PEX3: variants seen among roughly 807,000 people sequenced by gnomAD.
PEX3 encodes peroxisomal biogenesis factor 3.
Under a neutral mutation model 55.8 loss-of-function variants are expected in PEX3, and 30 were observed. That is an observed-to-expected ratio of 0.54 (90% CI 0.40 to 0.73). The LOEUF (loss-of-function observed/expected upper bound fraction) is 0.73. Among genes scored for constraint, PEX3 ranks in the 30% least tolerant of loss-of-function variants. The pLI is 0.00. For missense variants in PEX3, 351 were observed against 432.8 expected, an observed-to-expected ratio of 0.81 and a Z score of 1.68; for synonymous variants, 135 against 148.4, an observed-to-expected ratio of 0.91 and a Z score of 0.66.
In PEX3 at chr6:143,462,399, C is replaced by G. The variant is rs1446878135; in HGVS notation, c.206-517C>G. 6.6e-6 allele frequency among the ~76,000 whole-genome samples: 1 copy of G among 151,970 alleles called. No individual in the cohort carries two copies. The highest frequency in any genetic ancestry group is 2.4e-5 in the African/African-American group (1 of 41,352). ...AACTAAAACTCAGCAACTCTTAGTT[C>G]CTAACCCAGTGCACTTTTGTCTAGG... On this transcript the variant is annotated intron_variant, in intron 2 of 11. Transcript: ENST00000367591. This position sits in a 1 kb window ranked among gnomAD's most constrained non-coding sequence, Gnocchi z 4.1.
chr6:143,459,031 C>A lies in PEX3; in HGVS notation c.74-54C>A. ...AATTGCATAAAGTAGGTTAAAAATACTGTGTAGAATTTTTGGTACTCTAAT... is the reference window on the plus strand; with the variant it reads ...AATTGCATAAAGTAGGTTAAAAATAATGTGTAGAATTTTTGGTACTCTAAT... On this transcript the variant is annotated intron_variant, in intron 1 of 11. Transcript: ENST00000367591. This position sits in a 1 kb window ranked among gnomAD's most constrained non-coding sequence, Gnocchi z 4.2. The A allele has an allele frequency of 8.3e-7, 1 of 1,205,366 alleles. No individual in the cohort carries two copies. The highest frequency in any genetic ancestry group is 1.2e-6 in the Non-Finnish European group (1 of 815,138). The allele number at this position is 1,205,366 out of a possible 1,614,324, so 74.7% of individuals were successfully genotyped here.
Position 143,454,093 on chromosome 6 carries a change from CA to C in PEX3, c.73+2984del, listed in dbSNP as rs1234064579. On this transcript the variant is annotated intron_variant, in intron 1 of 11. Coordinates refer to ENST00000367591, the MANE Select transcript of PEX3 (RefSeq NM_003630.3). The surrounding 1 kb of genome is among the most constrained non-coding windows in gnomAD (Gnocchi z 4.3). The stretch of plus-strand genomic sequence containing the variant: ...TACATATTAACATACATAACATTTT[CA>C]AAAAATTAATGAGTGTCATTGTTTT... Among the ~76,000 whole-genome samples the C allele has an allele frequency of 1.3e-5, 2 of 151,906 alleles. No individual in the cohort carries two copies. Among genetic ancestry groups the C allele is most frequent in the African/African-American group, 4.8e-5 (2 of 41,356 alleles).
Position 143,486,891 on chromosome 6 carries a change from G to A in PEX3, c.1038+1643G>A, listed in dbSNP as rs990111764. Among the ~76,000 whole-genome samples the A allele has an allele frequency of 4.6e-5, 7 of 152,148 alleles. No homozygotes were observed. The highest frequency in any genetic ancestry group is 1.0e-4 in the Non-Finnish European group (7 of 68,006). On this transcript the variant is annotated intron_variant, in intron 11 of 11. Coordinates refer to ENST00000367591, the MANE Select transcript of PEX3 (RefSeq NM_003630.3). The surrounding 1 kb of genome is among the most constrained non-coding windows in gnomAD (Gnocchi z 5.0). ...ACAGAAACTATTCAACTCTGCTCTG[G>A]CAGTGTGAAAGCAGTCAGAAACGTA...
chr6:143,466,298 C>T lies in PEX3; in HGVS notation c.288-1824C>T, dbSNP rs1779990918. Among the ~76,000 whole-genome samples, 1 of 152,044 alleles carries T rather than the reference C, an allele frequency of 6.6e-6. No homozygotes were observed. Among genetic ancestry groups the T allele is most frequent in the African/African-American group, 2.4e-5 (1 of 41,442 alleles). On this transcript the variant is annotated intron_variant, in intron 3 of 11. Coordinates refer to ENST00000367591, the MANE Select transcript of PEX3 (RefSeq NM_003630.3). The surrounding 1 kb of genome is among the most constrained non-coding windows in gnomAD (Gnocchi z 5.4). ...TTCAGTTGTGTGCCATTGTGAATAA[C>T]ATGAAGAAATCTCCCTTTGTCCAGC...
intron 1 of PEX3, among the ~76,000 whole-genome samples, chr6:143,455,338 G>GC (rs1779830615): frequency 6.9e-6 from 1 of 144,898 alleles, no homozygotes; most frequent in Non-Finnish European, 1.5e-5. Context: ...GACTGCAGGC[G>GC]CCCGCCACCA....
chr6:143,474,519 C>A (rs1780124531), intron 8 of PEX3, among the ~76,000 whole-genome samples: 1 of 151,386 alleles, frequency 6.6e-6, no homozygotes, highest in Non-Finnish European at 1.5e-5. Context: ...CTTTGTCTGA[C>A]TATACTAGAA....
In PEX3 at chr6:143,465,867, A is replaced by G. The variant is rs369828093; in HGVS notation, c.288-2255A>G. Among the ~76,000 whole-genome samples the G allele has an allele frequency of 6.6e-6, 1 of 152,096 alleles. No individual in the cohort carries two copies. The highest frequency in any genetic ancestry group is 2.4e-5 in the African/African-American group (1 of 41,452). On this transcript the variant is annotated intron_variant, in intron 3 of 11. Transcript: ENST00000367591. This position sits in a 1 kb window ranked among gnomAD's most constrained non-coding sequence, Gnocchi z 4.7. ...AAGCTAGTAGTATCTTTAAAATTGT[A>G]ATAGTAACTCAATTTCTTGTTGGAA... is the stretch of plus-strand genomic sequence containing the variant.
chr6:143,457,025 G>A (rs1281726565), intron 1 of PEX3, among the ~76,000 whole-genome samples: 1 of 152,082 alleles, frequency 6.6e-6, no homozygotes, highest in Non-Finnish European at 1.5e-5. Flanking sequence ...TTAAAGCAGT[G>A]GACCTTCTCC....
rs150735618 is a variant in PEX3 at position 143,487,993 on chromosome 6, A to C, written c.1039-1150A>C. Among the ~76,000 whole-genome samples, 182 of 152,272 alleles carry C rather than the reference A, an allele frequency of 1.2e-3. No homozygotes were observed. The highest frequency in any genetic ancestry group is 4.2e-3 in the African/African-American group (174 of 41,566). On this transcript the variant is annotated intron_variant, in intron 11 of 11. Transcript: ENST00000367591. This position sits in a 1 kb window ranked among gnomAD's most constrained non-coding sequence, Gnocchi z 5.3. Reference sequence around the variant, plus strand: ...TTTACATTTTCATAGAAATCAAAACACAAAATTTCCCCTCAAATTCTTGGG... The same window carrying C: ...TTTACATTTTCATAGAAATCAAAACCCAAAATTTCCCCTCAAATTCTTGGG...
intron 3 of PEX3, among the ~76,000 whole-genome samples, chr6:143,467,464 C>T (rs1328547420): frequency 1.3e-5 from 2 of 151,988 alleles, no homozygotes; most frequent in Non-Finnish European, 1.5e-5. Flanking sequence ...CATTCTGCAT[C>T]GAAGGTTTTG....
intron 9 of PEX3, 76 bp from the exon 10 acceptor site, chr6:143,479,000 A>T: frequency 1.2e-6 from 1 of 864,342 alleles, no homozygotes; most frequent in East Asian, 2.5e-5. Flanking sequence ...TTTCAAAGGT[A>T]ACCACGTTAT....
rs1332027788 is a variant in PEX3 at position 143,470,955 on chromosome 6, G to A, written c.332-6G>A. 1.2e-6 allele frequency: 2 copies of A among 1,611,666 alleles called. No individual in the cohort carries two copies. The highest frequency in any genetic ancestry group is 1.7e-6 in the Non-Finnish European group (2 of 1,178,388). Reference sequence around the variant, plus strand: ...AGTACCAAATGCTTTTCTTTTCTCTGTGAAGGTTTCACAAGAAGTACTGTG... The same window carrying A: ...AGTACCAAATGCTTTTCTTTTCTCTATGAAGGTTTCACAAGAAGTACTGTG... On this transcript the variant is annotated splice_region_variant and splice_polypyrimidine_tract_variant and intron_variant, in intron 4 of 11. Coordinates refer to ENST00000367591, the MANE Select transcript of PEX3 (RefSeq NM_003630.3).
chr6:143,471,534 T>G lies in PEX3; in HGVS notation c.524-23T>G. 6.3e-7 allele frequency: 1 copy of G among 1,599,530 alleles called. No individual in the cohort carries two copies. On this transcript the variant is annotated intron_variant, in intron 6 of 11. Transcript: ENST00000367591. The surrounding 1 kb of genome is among the most constrained non-coding windows in gnomAD (Gnocchi z 5.4). The stretch of plus-strand genomic sequence containing the variant: ...GAATTTTTAAACTAAGCAAGGCTTT[T>G]AGGTTTGTTTTTTCTTTAATAGGCC...
At position 143,459,756 on chromosome 6, in the gene PEX3, TG is replaced by T. The variant is rs1355020579; in HGVS notation, c.205+541del. ...GCTAGAGCAGAATGAACAATGGCAG[TG>T]ATAGGAAACAAGGCTGCAGAAGTAG... On this transcript the variant is annotated intron_variant, in intron 2 of 11. Transcript: ENST00000367591. This position sits in a 1 kb window ranked among gnomAD's most constrained non-coding sequence, Gnocchi z 4.2. Among the ~76,000 whole-genome samples the T allele has an allele frequency of 6.6e-6, 1 of 152,166 alleles. No individual in the cohort carries two copies. Among genetic ancestry groups the T allele is most frequent in the Non-Finnish European group, 1.5e-5 (1 of 68,030 alleles).
chr6:143,453,937 T>C lies in PEX3; in HGVS notation c.73+2822T>C, dbSNP rs980226624. ...GACTCCCAAACTTTTTGATCTAAGG[T>C]CTCCTTTACACTCTGAAAAATTAAG... On this transcript the variant is annotated intron_variant, in intron 1 of 11. Transcript: ENST00000367591. The surrounding 1 kb of genome is among the most constrained non-coding windows in gnomAD (Gnocchi z 4.6). 2.0e-5 allele frequency among the ~76,000 whole-genome samples: 3 copies of C among 152,108 alleles called. No individual in the cohort carries two copies. The highest frequency in any genetic ancestry group is 7.2e-5 in the African/African-American group (3 of 41,414).
chr6:143,469,624 G>T (rs1277645436), intron 4 of PEX3, among the ~76,000 whole-genome samples: 1 of 152,146 alleles, frequency 6.6e-6, no homozygotes. Flanking sequence ...CATTCTGTAG[G>T]TTGCCTGTTC....
In PEX3 at chr6:143,471,004, G is replaced by T; in HGVS notation, c.375G>T (p.Leu125=). 1 of 1,612,984 alleles carries T rather than the reference G, an allele frequency of 6.2e-7. No individual in the cohort carries two copies. The highest frequency in any genetic ancestry group is 8.5e-7 in the Non-Finnish European group (1 of 1,179,130). Residue 125 remains leucine, a synonymous_variant, in exon 5 of 12, where the codon CTG becomes CTT. Transcript: ENST00000367591. This position sits in a 1 kb window ranked among gnomAD's most constrained non-coding sequence, Gnocchi z 5.4. ...TGGCTGTATACAGTACCTGTATGCT[G>T]GTTGTTCTTTTGCGGGTCCAGTTAA... ...STVAVYSTCM[L]VVLLRVQLNI...
At position 143,464,205 on chromosome 6, in the gene PEX3, A is replaced by G. The variant is rs1562652661; in HGVS notation, c.287+1208A>G. On this transcript the variant is annotated intron_variant, in intron 3 of 11. Transcript: ENST00000367591. The surrounding 1 kb of genome is among the most constrained non-coding windows in gnomAD (Gnocchi z 5.8). Reference sequence around the variant, plus strand: ...AGGAATTGAAAAGAAGTAGATTTTAATTTCCTTTTTGTCATGATGAGAAGG... The same window carrying G: ...AGGAATTGAAAAGAAGTAGATTTTAGTTTCCTTTTTGTCATGATGAGAAGG... Among the ~76,000 whole-genome samples the G allele has an allele frequency of 1.3e-5, 2 of 152,104 alleles. No individual in the cohort carries two copies. Among genetic ancestry groups the G allele is most frequent in the African/African-American group, 2.4e-5 (1 of 41,452 alleles).
chr6:143,452,745 C>T (rs554244431), intron 1 of PEX3, among the ~76,000 whole-genome samples: 90 of 152,244 alleles, frequency 5.9e-4, no homozygotes, highest in South Asian at 5.0e-3. Flanking sequence ...TTGTTTGAGT[C>T]TCATGTTCTT....
Sources: gnomAD v4.1 joint callset for allele counts (sites outside exome capture counted in the v4.1 genomes callset) on GRCh38, gnomAD v4.1.1 for gene constraint, Gnocchi (gnomAD v3.1) non-coding constraint, MANE v1.5 for transcripts, NCBI Gene and HGNC (gene_info 2026-07-23, HGNC 2026-07-21) for gene names.